TENM3: variants seen among roughly 807,000 people sequenced by gnomAD.
TENM3 encodes teneurin transmembrane protein 3, also known as teneurin-3.
Under a neutral mutation model 255.1 loss-of-function variants are expected in TENM3, and 63 were observed. The observed-to-expected ratio is 0.25, with a 90% CI of 0.20 to 0.30. The LOEUF (loss-of-function observed/expected upper bound fraction) is 0.30, where lower values mean the gene tolerates loss of function less well. Among genes scored for constraint, TENM3 ranks in the 10% least tolerant of loss-of-function variants. TENM3 has a pLI of 1.00. For missense variants in TENM3, 2,929 were observed against 3,461.1 expected (o/e 0.85, Z 3.86); for synonymous variants, 1,306 against 1,322.3 (o/e 0.99, Z 0.27).
At chr4:182,633,993 G>T (rs771584209) in intron 5 of TENM3, among the ~76,000 whole-genome samples, 38 of 152,108 alleles carry the variant, frequency 2.5e-4, no homozygotes, top group Non-Finnish European at 5.0e-4. Flanking sequence ...TAAGATGCAC[G>T]TCCTGATTTA....
the TENM3 span, among the ~76,000 whole-genome samples, chr4:181,755,806 A>G: frequency 6.6e-6 from 1 of 152,034 alleles, no homozygotes; most frequent in African/African-American, 2.4e-5. Flanking sequence ...AATATCAATC[A>G]AGGTTTGTTG....
the TENM3 span, among the ~76,000 whole-genome samples, chr4:182,001,269 G>C: frequency 5.6e-4 from 85 of 152,072 alleles, no homozygotes; most frequent in Admixed American, 1.2e-3. Context: ...AAAATTGGCT[G>C]CACATCGAAG....
chr4:182,095,798 G>A, the TENM3 span, among the ~76,000 whole-genome samples: 2 of 151,804 alleles, frequency 1.3e-5, no homozygotes, highest in South Asian at 4.2e-4. Flanking sequence ...ATCATTACCT[G>A]GTGTATGCTT....
chr4:182,461,652 C>T (rs75059192), intron 3 of TENM3, among the ~76,000 whole-genome samples: 1 of 152,120 alleles, frequency 6.6e-6, no homozygotes, highest in Admixed American at 6.6e-5. Context: ...TGGACTCTTC[C>T]TACTATTACT....
At chr4:182,226,522 C>A (rs1281112125) in intron 1 of TENM3, among the ~76,000 whole-genome samples, 1 of 152,044 alleles carries the variant, frequency 6.6e-6, no homozygotes, top group Admixed American at 6.5e-5. Flanking sequence ...TAGAATCAAG[C>A]TGATGATGAG....
chr4:182,173,698 G>A (rs1052530706), intron 1 of TENM3, among the ~76,000 whole-genome samples: 4 of 152,136 alleles, frequency 2.6e-5, no homozygotes, highest in African/African-American at 9.7e-5. Context: ...ATCTGCCCGT[G>A]AACTTGACAC....
At chr4:182,200,864 A>G (rs1443898946) in intron 1 of TENM3, among the ~76,000 whole-genome samples, 1 of 141,338 alleles carries the variant, frequency 7.1e-6, no homozygotes, top group Non-Finnish European at 1.5e-5. Flanking sequence ...TCACTCTGTC[A>G]CCCAGGCTTG....
intron 3 of TENM3, among the ~76,000 whole-genome samples, chr4:182,435,900 G>GAC (rs1772003822): frequency 6.6e-6 from 1 of 151,392 alleles, no homozygotes; most frequent in East Asian, 1.9e-4. Context: ...ATTGAATATA[G>GAC]ATTTATATTT....
the TENM3 span, among the ~76,000 whole-genome samples, chr4:182,043,399 A>T: frequency 6.6e-6 from 1 of 152,176 alleles, no homozygotes; most frequent in Non-Finnish European, 1.5e-5. Context: ...CCTCTGTAAG[A>T]ATTTTTGCAC....
the TENM3 span, among the ~76,000 whole-genome samples, chr4:181,670,675 A>G: frequency 6.6e-6 from 1 of 152,216 alleles, no homozygotes; most frequent in Non-Finnish European, 1.5e-5. Flanking sequence ...AGCAAGTAGC[A>G]TTTGGGTAGA....
intron 24 of TENM3, among the ~76,000 whole-genome samples, chr4:182,788,445 G>A (rs1765853585): frequency 6.6e-6 from 1 of 152,220 alleles, no homozygotes; most frequent in South Asian, 2.1e-4. Context: ...TGCTGAATTT[G>A]TCAGATAAGT....
chr4:182,522,794 C>T (rs540439137), intron 3 of TENM3, among the ~76,000 whole-genome samples: 1 of 152,300 alleles, frequency 6.6e-6, no homozygotes, highest in Admixed American at 6.5e-5. Flanking sequence ...GTCTGACATA[C>T]TGACTCCTCT....
chr4:182,263,270 G>A (rs1321156152), intron 1 of TENM3, among the ~76,000 whole-genome samples: 1 of 152,078 alleles, frequency 6.6e-6, no homozygotes, highest in African/African-American at 2.4e-5. Flanking sequence ...GTGGATAAGT[G>A]GTGGGTTCCT....
At chr4:182,619,916 C>G (rs768436225) in intron 4 of TENM3, among the ~76,000 whole-genome samples, 1 of 152,144 alleles carries the variant, frequency 6.6e-6, no homozygotes, top group Non-Finnish European at 1.5e-5. Context: ...AAGAAGCCGC[C>G]GCGGCTGCTG....
chr4:182,102,119 C>A, the TENM3 span, among the ~76,000 whole-genome samples: 1 of 152,216 alleles, frequency 6.6e-6, no homozygotes. Context: ...ATGGCTACAA[C>A]CCGGTGGGAC....
chr4:182,266,600 G>T (rs961582302), intron 1 of TENM3, among the ~76,000 whole-genome samples: 1 of 152,030 alleles, frequency 6.6e-6, no homozygotes, highest in Admixed American at 6.6e-5. Context: ...TATCTATAAG[G>T]TTTTATTAAA....
chr4:181,631,109 C>G, the TENM3 span, among the ~76,000 whole-genome samples: 2 of 152,066 alleles, frequency 1.3e-5, no homozygotes, highest in Non-Finnish European at 2.9e-5. Flanking sequence ...GCAAGCTCCC[C>G]CAGATTGTTG....
the TENM3 span, among the ~76,000 whole-genome samples, chr4:181,906,785 G>T: frequency 6.6e-6 from 1 of 152,286 alleles, no homozygotes; most frequent in African/African-American, 2.4e-5. Context: ...GAGCCCAAGC[G>T]ATCCTCTCGC....
the TENM3 span, among the ~76,000 whole-genome samples, chr4:181,560,999 C>A: frequency 2.6e-5 from 4 of 152,176 alleles, no homozygotes; most frequent in African/African-American, 9.6e-5. Flanking sequence ...GTCGCCCAGG[C>A]TGGAGTGCAG....
Sources: gnomAD v4.1 joint callset for allele counts (sites outside exome capture counted in the v4.1 genomes callset) on GRCh38, gnomAD v4.1.1 for gene constraint, MANE v1.5 for transcripts, NCBI Gene and HGNC (gene_info 2026-07-23, HGNC 2026-07-21) for gene names.